Variants in PDK1 observed in about 807,000 individuals in gnomAD.
PDK1 encodes pyruvate dehydrogenase kinase 1.
PDK1 carries 39 observed loss-of-function variants against 54.2 expected under a neutral mutation model. The observed-to-expected ratio is 0.72, with a 90% CI of 0.56 to 0.94. The LOEUF (loss-of-function observed/expected upper bound fraction) is 0.94, where lower values mean the gene tolerates loss of function less well. Ranked by LOEUF, PDK1 falls within the 40% of genes least tolerant of loss-of-function variation. The pLI is 0.00. For synonymous variants in PDK1, 221 were observed against 207.1 expected (o/e 1.07, Z -0.58); for missense variants, 552 against 566.0 (o/e 0.98, Z 0.25).
chr2:172,556,301 C>A lies in PDK1; in HGVS notation c.151C>A (p.Arg51Ser). ...GVPGQVDFYA[R>S]FSPSPLSMKQ... ...TCCGGGCCAGGTGGACTTCTACGCG[C>A]GCTTCTCGCCGTCCCCGCTCTCCAT... Residue 51 changes from arginine (R) to serine (S), a missense_variant, in exon 1 of 11, where the codon CGC becomes AGC. By Grantham distance (110) the Arg-to-Ser change is moderately radical. Transcript: ENST00000282077. The A allele has an allele frequency of 6.6e-7, 1 of 1,505,738 alleles. No individual in the cohort carries two copies. The highest frequency in any genetic ancestry group is 2.4e-5 in the Admixed American group (1 of 42,046). The allele number at this position is 1,505,738 out of a possible 1,614,324, so 93.3% of individuals were successfully genotyped here.
the PDK1 span, among the ~76,000 whole-genome samples, chr2:172,615,074 G>A: frequency 2.6e-5 from 4 of 152,138 alleles, no homozygotes; most frequent in Non-Finnish European, 5.9e-5. Context: ...TGTGTGGGTG[G>A]AGTGGCCGCC....
chr2:172,705,582 G>A, the PDK1 span, among the ~76,000 whole-genome samples: 2 of 152,204 alleles, frequency 1.3e-5, no homozygotes, highest in Admixed American at 1.3e-4. Flanking sequence ...CAGTTGTGAT[G>A]TGGAGTAAAA....
the PDK1 span, among the ~76,000 whole-genome samples, chr2:172,659,590 T>C: frequency 2.0e-5 from 3 of 152,214 alleles, no homozygotes; most frequent in African/African-American, 7.2e-5. Context: ...TTGCCTCCCC[T>C]ACATTAACCC....
the PDK1 span, among the ~76,000 whole-genome samples, chr2:172,721,557 C>T: frequency 1.3e-5 from 2 of 152,130 alleles, no homozygotes; most frequent in African/African-American, 4.8e-5. Flanking sequence ...AGGCTGGTCT[C>T]GAACTCCTGA....
the PDK1 span, among the ~76,000 whole-genome samples, chr2:172,662,235 A>G: frequency 6.6e-6 from 1 of 152,224 alleles, no homozygotes; most frequent in Admixed American, 6.5e-5. Flanking sequence ...AGATACAATT[A>G]TAAGATATTT....
At chr2:172,652,804 C>T in the PDK1 span, among the ~76,000 whole-genome samples, 19,943 of 152,108 alleles carry the variant, frequency 0.13, 2,262 homozygotes, top group East Asian at 0.53. Context: ...CAAACCACTG[C>T]TCAATGAAAT....
the PDK1 span, among the ~76,000 whole-genome samples, chr2:172,706,629 A>C: frequency 6.6e-6 from 1 of 151,912 alleles, no homozygotes; most frequent in Admixed American, 6.6e-5. Context: ...GGGTCTCACT[A>C]TGTTGCCCAG....
At chr2:172,561,095 G>A (rs1351409709) in intron 2 of PDK1, among the ~76,000 whole-genome samples, 1 of 152,210 alleles carries the variant, frequency 6.6e-6, no homozygotes, top group Non-Finnish European at 1.5e-5. Context: ...TAAATGGGAA[G>A]CATTTGTTTA....
At chr2:172,675,617 G>C in the PDK1 span, among the ~76,000 whole-genome samples, 2 of 152,190 alleles carry the variant, frequency 1.3e-5, no homozygotes, top group Non-Finnish European at 2.9e-5. Context: ...AGAAAAGTTT[G>C]AAGCTACTAG....
rs541281882 is a variant in PDK1, at chr2:172,592,491, G to GTC, written c.1057-434_1057-433dup. Among the ~76,000 whole-genome samples, 782 of 151,084 alleles carry GTC rather than the reference G, an allele frequency of 5.2e-3. 8 individuals are homozygous for GTC. Among genetic ancestry groups the GTC allele is most frequent in the African/African-American group, 0.017 (713 of 41,132 alleles). On this transcript the variant is annotated intron_variant, in intron 9 of 10. Transcript: ENST00000282077. ...TCCCTCTTTGTCTCTCTCTTCCTCT[G>GTC]TCTCTCTCTCTGACTTTCTGTCTCT...
chr2:172,623,859 G>A, the PDK1 span, among the ~76,000 whole-genome samples: 4 of 152,172 alleles, frequency 2.6e-5, no homozygotes, highest in African/African-American at 7.2e-5. Context: ...TGCTCATTGG[G>A]CACTCCTAAC....
At chr2:172,659,131 A>T in the PDK1 span, among the ~76,000 whole-genome samples, 5 of 152,008 alleles carry the variant, frequency 3.3e-5, no homozygotes, top group Non-Finnish European at 7.4e-5. Flanking sequence ...TCACAGTCCT[A>T]CCACTATGTG....
At chr2:172,703,039 A>G in the PDK1 span, among the ~76,000 whole-genome samples, 1 of 152,190 alleles carries the variant, frequency 6.6e-6, no homozygotes, top group Non-Finnish European at 1.5e-5. Flanking sequence ...TGAGATGGGG[A>G]AGACTGTGCC....
intron 8 of PDK1, among the ~76,000 whole-genome samples, chr2:172,584,827 A>C (rs573267696): frequency 0.012 from 1,722 of 144,734 alleles, 33 homozygotes; most frequent in African/African-American, 0.041. Flanking sequence ...GGGTAATTTT[A>C]AAGTTTTTTT....
Position 172,595,960 on chromosome 2 carries a change from C to T in PDK1, c.1302C>T (p.Arg434=). Residue 434 remains arginine, a synonymous_variant, in exon 11 of 11, where the codon CGC becomes CGT. Coordinates refer to ENST00000282077, the MANE Select transcript of PDK1 (RefSeq NM_002610.5). The part of the protein sequence containing the change: ...SREPKDMTTF[R]SA ...AACCCAAAGACATGACGACGTTCCG[C>T]AGTGCCTAGACACACTTGGGACATC... The T allele has an allele frequency of 6.2e-7, 1 of 1,610,402 alleles. No homozygotes were observed. The highest frequency in any genetic ancestry group is 8.5e-7 in the Non-Finnish European group (1 of 1,177,784).
chr2:172,708,214 G>C, the PDK1 span, among the ~76,000 whole-genome samples: 1 of 152,034 alleles, frequency 6.6e-6, no homozygotes, highest in African/African-American at 2.4e-5. Context: ...ACCTGAGCCT[G>C]GGTGGTAGAG....
chr2:172,698,295 A>G, the PDK1 span, among the ~76,000 whole-genome samples: 1 of 152,044 alleles, frequency 6.6e-6, no homozygotes, highest in Non-Finnish European at 1.5e-5. Context: ...CTCCACCAAG[A>G]ATCTCCCTCT....
At chr2:172,563,076 C>T (rs1688742560) in intron 3 of PDK1, among the ~76,000 whole-genome samples, 1 of 152,108 alleles carries the variant, frequency 6.6e-6, no homozygotes, top group Admixed American at 6.6e-5. Context: ...GTTTTTTAAT[C>T]TTTAAAACAA....
At chr2:172,645,946 T>A in the PDK1 span, among the ~76,000 whole-genome samples, 1 of 152,266 alleles carries the variant, frequency 6.6e-6, no homozygotes, top group African/African-American at 2.4e-5. Context: ...GACTGGTTGA[T>A]TGAGTCAGGC....
Sources: gnomAD v4.1 joint callset for allele counts (sites outside exome capture counted in the v4.1 genomes callset) on GRCh38, gnomAD v4.1.1 for gene constraint, MANE v1.5 for transcripts, NCBI Gene and HGNC (gene_info 2026-07-23, HGNC 2026-07-21) for gene names.